Variants in MOB1B observed in about 807,000 individuals in gnomAD.
The protein encoded by MOB1B is MOB kinase activator 1B.
In MOB1B, 19 loss-of-function variants were observed where a neutral mutation model predicts 24.4. That is an observed-to-expected ratio of 0.78 (90% confidence interval 0.54 to 1.14). The LOEUF (loss-of-function observed/expected upper bound fraction) is 1.14, where lower values mean the gene tolerates loss of function less well. Ranked by LOEUF, MOB1B falls within the 50% of genes most tolerant of loss-of-function variation. MOB1B has a pLI of 0.00. For missense variants in MOB1B, 243 were observed against 259.6 expected (o/e 0.94, Z 0.44); for synonymous variants, 76 against 82.1 (o/e 0.93, Z 0.40).
In MOB1B at chr4:70,975,288, T is replaced by C; in HGVS notation, c.409+2T>C. ...AGACGTTATTTCCATCAAAAATTGG[T>C]ATAATTAATTTTTGTAAGGGGGATC... On this transcript the variant is annotated splice_donor_variant, in intron 4 of 5. Coordinates refer to ENST00000309395, the MANE Select transcript of MOB1B (RefSeq NM_173468.4). LOFTEE classifies it high-confidence loss of function. 1 of 1,609,778 alleles carries C rather than the reference T, an allele frequency of 6.2e-7. No individual in the cohort carries two copies. Among genetic ancestry groups the C allele is most frequent in the South Asian group, 1.1e-5 (1 of 89,918 alleles).
intron 1 of MOB1B, among the ~76,000 whole-genome samples, chr4:70,905,855 A>G (rs1735715693): frequency 6.6e-6 from 1 of 151,656 alleles, no homozygotes; most frequent in Admixed American, 6.6e-5. Context: ...ACTTGACCCC[A>G]GAGTTCCACA....
chr4:70,941,546 T>C (rs550083414), intron 1 of MOB1B, among the ~76,000 whole-genome samples: 1 of 152,196 alleles, frequency 6.6e-6, no homozygotes, highest in East Asian at 1.9e-4. Flanking sequence ...TTTCACTGTG[T>C]TGGCCAGGAT....
chr4:70,919,227 G>T (rs1354463238), intron 1 of MOB1B, among the ~76,000 whole-genome samples: 1 of 151,838 alleles, frequency 6.6e-6, no homozygotes, highest in South Asian at 2.1e-4. Flanking sequence ...GTTAGTGGGT[G>T]CAGTGCACCA....
intron 1 of MOB1B, among the ~76,000 whole-genome samples, chr4:70,938,866 C>T (rs902083878): frequency 1.3e-5 from 2 of 151,198 alleles, no homozygotes; most frequent in African/African-American, 4.9e-5. Context: ...CAGCCTCTAC[C>T]TCCCGGGTGC....
chr4:70,931,443 A>G (rs1245862806), intron 1 of MOB1B, among the ~76,000 whole-genome samples: 2 of 152,132 alleles, frequency 1.3e-5, no homozygotes, highest in Non-Finnish European at 2.9e-5. Context: ...AACAGTTTTT[A>G]TTTGACAACA....
intron 1 of MOB1B, among the ~76,000 whole-genome samples, chr4:70,925,344 T>C (rs1158379720): frequency 2.6e-5 from 4 of 152,210 alleles, no homozygotes; most frequent in African/African-American, 7.2e-5. Context: ...GTGAGCTTTA[T>C]TGATTTTAGC....
Position 70,986,206 on chromosome 4 carries a change from T to C in MOB1B, c.*4149T>C, listed in dbSNP as rs1440778539. 6.6e-6 allele frequency: 1 copy of C among 152,198 alleles called. No homozygotes were observed. Among genetic ancestry groups the C allele is most frequent in the Non-Finnish European group, 1.5e-5 (1 of 68,018 alleles). 9.4% of individuals were successfully genotyped at this position (152,198 alleles called of 1,614,324 possible). A position where few individuals can be genotyped will look rare whatever the true frequency, so the allele number is the denominator to read the frequency against. On this transcript the variant is annotated 3_prime_UTR_variant, in exon 6 of 6. Transcript: ENST00000309395. ...GATAGTATTGATTGAATGGATACTA[T>C]GGAAAAGTGGATCCAATATTTAAGA...
intron 1 of MOB1B, among the ~76,000 whole-genome samples, chr4:70,951,845 C>G (rs1400307918): frequency 1.3e-5 from 2 of 152,176 alleles, no homozygotes; most frequent in Admixed American, 1.3e-4. Flanking sequence ...CCTGCCTGGG[C>G]AATAGAGCAA....
intron 2 of MOB1B, among the ~76,000 whole-genome samples, chr4:70,965,145 A>C: frequency 6.6e-6 from 1 of 151,730 alleles, no homozygotes. Flanking sequence ...AAAAATACAA[A>C]AATTAGCCTT....
At chr4:70,919,469 T>C (rs1251015345) in intron 1 of MOB1B, among the ~76,000 whole-genome samples, 1 of 152,166 alleles carries the variant, frequency 6.6e-6, no homozygotes, top group Non-Finnish European at 1.5e-5. Flanking sequence ...ATTCTACTGT[T>C]CTTACACACA....
chr4:70,937,947 C>G (rs944785164), intron 1 of MOB1B, among the ~76,000 whole-genome samples: 1 of 151,866 alleles, frequency 6.6e-6, no homozygotes, highest in Admixed American at 6.6e-5. Context: ...TTAATTTCTT[C>G]TTTTTTTAAT....
intron 1 of MOB1B, among the ~76,000 whole-genome samples, chr4:70,907,790 G>A (rs369624433): frequency 9.9e-5 from 15 of 152,220 alleles, no homozygotes; most frequent in South Asian, 8.3e-4. Flanking sequence ...TCCAGCCTGG[G>A]TGACAGAGTG....
rs1245691200 is a variant in MOB1B, at chr4:70,983,993, G to T, written c.*1936G>T. ...TTGAATCTTGTCCATATAGGAAAAT[G>T]AAGCACAGAATTACTCAGTCTTCCA... On this transcript the variant is annotated 3_prime_UTR_variant, in exon 6 of 6. Transcript: ENST00000309395. The T allele has an allele frequency of 4.6e-5, 7 of 152,556 alleles. No individual in the cohort carries two copies. The highest frequency in any genetic ancestry group is 7.4e-5 in the Non-Finnish European group (5 of 67,970). The allele number at this position is 152,556 out of a possible 1,614,324, so 9.5% of individuals were successfully genotyped here.
intron 1 of MOB1B, among the ~76,000 whole-genome samples, chr4:70,957,912 TA>T (rs1738135750): frequency 6.6e-6 from 1 of 151,918 alleles, no homozygotes; most frequent in African/African-American, 2.4e-5. Context: ...CCAGCTCTCT[TA>T]AAAACTATTA....
At chr4:70,965,796 C>CAAAAAAAA (rs71211986) in intron 2 of MOB1B, among the ~76,000 whole-genome samples, 5 of 28,696 alleles carry the variant, frequency 1.7e-4, no homozygotes, top group Non-Finnish European at 2.6e-4. Flanking sequence ...GACTCCGTCT[C>CAAAAAAAA]AAAAAAAAAA....
At chr4:70,946,791 T>C (rs1469081268) in intron 1 of MOB1B, among the ~76,000 whole-genome samples, 2 of 151,790 alleles carry the variant, frequency 1.3e-5, no homozygotes, top group Non-Finnish European at 2.9e-5. Flanking sequence ...AACTTCAATA[T>C]TTAAAGGGGA....
intron 2 of MOB1B, among the ~76,000 whole-genome samples, chr4:70,968,960 T>G (rs995628780): frequency 6.6e-6 from 1 of 152,148 alleles, no homozygotes; most frequent in Non-Finnish European, 1.5e-5. Context: ...ACCAGTTGAT[T>G]CAGAAATATT....
intron 1 of MOB1B, among the ~76,000 whole-genome samples, chr4:70,935,937 C>T (rs1009006973): frequency 1.5e-4 from 23 of 150,318 alleles, no homozygotes; most frequent in African/African-American, 4.9e-4. Context: ...CTGCAAGCTC[C>T]GCCTCCCGGG....
chr4:70,914,605 G>A lies in MOB1B; in HGVS notation c.14+12055G>A, dbSNP rs986801139. Reference sequence around the variant, plus strand: ...ATTCATTTATATCCATATATTTTTAGCTATATCTATCTGTGTATATTAAAC... The same window carrying A: ...ATTCATTTATATCCATATATTTTTAACTATATCTATCTGTGTATATTAAAC... On this transcript the variant is annotated intron_variant, in intron 1 of 5. Transcript: ENST00000309395. 5.9e-5 allele frequency among the ~76,000 whole-genome samples: 9 copies of A among 152,278 alleles called. No individual in the cohort carries two copies. The South Asian group carries it at 1.9e-3, about 32-fold the overall frequency.
Sources: allele counts gnomAD v4.1 joint callset (sites outside exome capture counted in the v4.1 genomes callset), GRCh38; gene constraint gnomAD v4.1.1; transcripts MANE v1.5; gene names NCBI Gene and HGNC (gene_info 2026-07-23, HGNC 2026-07-21).